ADCY4: variants seen among roughly 807,000 people sequenced by gnomAD.
ADCY4 encodes adenylate cyclase 4.
In ADCY4, 111 loss-of-function variants were observed where a neutral mutation model predicts 125.5. That is an observed-to-expected ratio of 0.88 (90% CI 0.76 to 1.04). ADCY4 has a LOEUF of 1.04. ADCY4 is among the 50% of genes least tolerant of loss of function. The pLI is 0.00. For synonymous variants in ADCY4, 576 were observed against 586.9 expected (o/e 0.98, Z 0.27); for missense variants, 1,256 against 1,382.9 (o/e 0.91, Z 1.46).
At position 24,329,179 on chromosome 14, in the gene ADCY4, C is replaced by A. The variant is rs1199790572; in HGVS notation, c.1406G>T (p.Gly469Val). 1.2e-6 allele frequency: 2 copies of A among 1,613,938 alleles called. No individual in the cohort carries two copies. The highest frequency in any genetic ancestry group is 1.1e-5 in the South Asian group (1 of 91,078). ...CAGCAGTGATGGACGCATCTTGAGGCCCTCAAGCGAGGACAGCAAGCCTCC... is the reference window on the plus strand; with the variant it reads ...CAGCAGTGATGGACGCATCTTGAGGACCTCAAGCGAGGACAGCAAGCCTCC... ...TAGGLLSSLE[G>V]LKMRPSLLMT... The change falls in exon 10 of 25, where the codon GGC (glycine) becomes GTC (valine). Residue 469 changes from glycine (G) to valine (V), a missense_variant. Coordinates refer to ENST00000418030, the MANE Select transcript of ADCY4 (RefSeq NM_001198568.2).
chr14:24,329,062 G>T lies in ADCY4; in HGVS notation c.1523C>A (p.Pro508Gln). The change falls in exon 10 of 25, where the codon CCG (proline) becomes CAG (glutamine). Residue 508 changes from proline to glutamine, a missense_variant and splice_region_variant. Transcript: ENST00000418030. The stretch of plus-strand genomic sequence containing the variant: ...GGCTCAGGATGAAGGTGCACATACC[G>T]GGAGAGGGGTGGAGGTGGACACAGG... The part of the protein sequence containing the change: ...DSPVSTSTPL[P>Q]EKTLASFSTQ... The T allele has an allele frequency of 6.2e-7, 1 of 1,613,228 alleles. No individual in the cohort carries two copies. Among genetic ancestry groups the T allele is most frequent in the Non-Finnish European group, 8.5e-7 (1 of 1,179,594 alleles).
At position 24,326,290 on chromosome 14, in the gene ADCY4, C is replaced by G; in HGVS notation, c.1568+9G>C. The G allele has an allele frequency of 6.2e-7, 1 of 1,614,054 alleles. No individual in the cohort carries two copies. The highest frequency in any genetic ancestry group is 1.1e-5 in the South Asian group (1 of 91,068). On this transcript the variant is annotated intron_variant, in intron 11 of 24. Transcript: ENST00000418030. ...AGCCCCACTGGCAAAGACTTTGAGG[C>G]CTCCTCACCGATCCAGGCTCCACTG...
chr14:24,334,916 A>C lies in ADCY4; in HGVS notation c.-264T>G. 1 of 400,196 alleles carries C rather than the reference A, an allele frequency of 2.5e-6. No individual in the cohort carries two copies. Among genetic ancestry groups the C allele is most frequent in the Non-Finnish European group, 4.5e-6 (1 of 224,186 alleles). 24.8% of individuals were successfully genotyped at this position (400,196 alleles called of 1,614,324 possible). On this transcript the variant is annotated 5_prime_UTR_variant, in exon 1 of 25. The change abolishes an upstream ATG in the 5' untranslated region. Transcript: ENST00000418030. Reference sequence around the variant, plus strand: ...TGTAGAGGTGCCCTAGAAAAGCCTCATCGCCAGGAGGGCAGGATTTGGGGT... The same window carrying C: ...TGTAGAGGTGCCCTAGAAAAGCCTCCTCGCCAGGAGGGCAGGATTTGGGGT...
intron 14 of ADCY4, among the ~76,000 whole-genome samples, chr14:24,325,065 A>T (rs527684370): frequency 1.3e-5 from 2 of 152,250 alleles, no homozygotes; most frequent in East Asian, 1.9e-4. Context: ...ATGAGGGCCT[A>T]CTTTCTAAGC....
chr14:24,332,651 C>A lies in ADCY4; in HGVS notation c.390G>T (p.Ala130=), dbSNP rs1594670294. Residue 130 remains alanine (A), a synonymous_variant, in exon 3 of 25, where the codon GCG becomes GCT. Coordinates refer to ENST00000418030, the MANE Select transcript of ADCY4 (RefSeq NM_001198568.2). ...VSYFLFVIFT[A]YAMLPLGMRD... is the part of the protein sequence containing the mutation. ...GCATGCCCAAGGGCAGCATGGCATA[C>A]GCCGTGAAGATGACGAAGAGAAAAT... 1.3e-6 allele frequency: 2 copies of A among 1,588,272 alleles called. No individual in the cohort carries two copies. The highest frequency in any genetic ancestry group is 2.3e-5 in the South Asian group (2 of 87,714).
chr14:24,323,014 C>A lies in ADCY4; in HGVS notation c.2232G>T (p.Leu744=), dbSNP rs754270844. The change falls in exon 18 of 25, where the codon CTG becomes CTT. Residue 744 remains leucine (L), a synonymous_variant. Transcript: ENST00000418030. ...CCGCCAGCCACAGCAGGAGCAGCAG[C>A]AGCTTCAGCTCGAAGCTCATGTGCA... ...LFLHMSFELK[L]LLLLLWLAAS... is the part of the protein sequence containing the mutation. 1 of 1,614,112 alleles carries A rather than the reference C, an allele frequency of 6.2e-7. No homozygotes were observed. The highest frequency in any genetic ancestry group is 1.1e-5 in the South Asian group (1 of 91,078).
At position 24,329,456 on chromosome 14, in the gene ADCY4, C is replaced by G; in HGVS notation, c.1295G>C (p.Arg432Pro). 1 of 1,581,784 alleles carries G rather than the reference C, an allele frequency of 6.3e-7. No homozygotes were observed. Among genetic ancestry groups the G allele is most frequent in the Non-Finnish European group, 8.6e-7 (1 of 1,166,860 alleles). Residue 432 changes from arginine to proline, a missense_variant, in exon 9 of 25, where the codon CGG (arginine) becomes CCG (proline). Coordinates refer to ENST00000418030, the MANE Select transcript of ADCY4 (RefSeq NM_001198568.2). ...YAVEDAGMEH[R>P]DPYLRELGEP... is the part of the protein sequence containing the mutation. ...CCCTAGCTCCCGAAGGTAGGGGTCC[C>G]GATGCTCCATGCCTGCGTCCTCCAC... is the stretch of plus-strand genomic sequence containing the variant.
Position 24,334,633 on chromosome 14 carries a change from G to A in ADCY4, c.20C>T (p.Pro7Leu). ...GAGGTCTTCGCTGGGGGGCGGCCGG[G>A]GGCTGAAGAGGCGGGCCATGATCTC... The part of the protein sequence containing the change: MARLFS[P>L]RPPPSEDLFY... Residue 7 changes from proline to leucine, a missense_variant, in exon 1 of 25, where the codon CCC becomes CTC. By Grantham distance (98) the Pro-to-Leu change is moderately conservative (BLOSUM62 -3). Coordinates refer to ENST00000418030, the MANE Select transcript of ADCY4 (RefSeq NM_001198568.2). 5 of 1,551,890 alleles carry A rather than the reference G, an allele frequency of 3.2e-6. No individual in the cohort carries two copies. Among genetic ancestry groups the A allele is most frequent in the Non-Finnish European group, 4.3e-6 (5 of 1,150,718 alleles).
intron 10 of ADCY4, 153 bp downstream of exon 10, chr14:24,328,908 G>A: frequency 1.0e-6 from 1 of 967,752 alleles, no homozygotes; most frequent in South Asian, 1.6e-5. Context: ...CTGAACCAGT[G>A]ACTGGGGTGA....
chr14:24,323,048 G>A lies in ADCY4; in HGVS notation c.2198C>T (p.Ser733Phe), dbSNP rs1161935664. ...HCCTLGFLSC[S>F]LFLHMSFELK... Reference sequence around the variant, plus strand: ...CTCGAAGCTCATGTGCAGAAAGAGGGAGCAGGAGAGGAAGCCCAGCGTGCA... The same window carrying A: ...CTCGAAGCTCATGTGCAGAAAGAGGAAGCAGGAGAGGAAGCCCAGCGTGCA... Residue 733 changes from serine to phenylalanine, a missense_variant, in exon 18 of 25, where the codon TCC becomes TTC. By Grantham distance (155) the Ser-to-Phe change is radical. Coordinates refer to ENST00000418030, the MANE Select transcript of ADCY4 (RefSeq NM_001198568.2). The A allele has an allele frequency of 1.9e-6, 3 of 1,614,068 alleles. No homozygotes were observed. Among genetic ancestry groups the A allele is most frequent in the African/African-American group, 2.7e-5 (2 of 74,912 alleles).
chr14:24,321,533 A>T (rs1415679812), intron 20 of ADCY4, among the ~76,000 whole-genome samples: 1 of 152,192 alleles, frequency 6.6e-6, no homozygotes, highest in East Asian at 1.9e-4. Context: ...TAATTATATT[A>T]CTTTTAATGG....
intron 10 of ADCY4, chr14:24,328,708 C>T (rs952954980): frequency 2.1e-5 from 5 of 239,264 alleles, no homozygotes; most frequent in Admixed American, 1.6e-4. Context: ...AGTGGTCCCC[C>T]GGGCCCAGCT....
Position 24,325,322 on chromosome 14 carries a change from G to T in ADCY4, c.1823+55C>A, listed in dbSNP as rs180946987. On this transcript the variant is annotated intron_variant, in intron 14 of 24. Transcript: ENST00000418030. ...AGAAAGTGTGGCCCGGGGTCATGAGGGCAAGGTGATCCGCTTATGACAGCC... is the reference window on the plus strand; with the variant it reads ...AGAAAGTGTGGCCCGGGGTCATGAGTGCAAGGTGATCCGCTTATGACAGCC... The T allele has an allele frequency of 5.8e-5, 86 of 1,489,816 alleles. No homozygotes were observed. In the East Asian group the frequency reaches 1.4e-3, roughly 25 times the overall value. The allele number at this position is 1,489,816 out of a possible 1,614,324, so 92.3% of individuals were successfully genotyped here.
At position 24,329,677 on chromosome 14, in the gene ADCY4, G is replaced by A. The variant is rs574357844; in HGVS notation, c.1218-144C>T. ...CCTGGATGTCTGACTTCAAGAAAGAGCCTGTGTTACAGGAGGTGCCTCCCA... is the reference window on the plus strand; with the variant it reads ...CCTGGATGTCTGACTTCAAGAAAGAACCTGTGTTACAGGAGGTGCCTCCCA... On this transcript the variant is annotated intron_variant, in intron 8 of 24. Coordinates refer to ENST00000418030, the MANE Select transcript of ADCY4 (RefSeq NM_001198568.2). The A allele has an allele frequency of 1.4e-5, 20 of 1,413,648 alleles. No individual in the cohort carries two copies. In the South Asian group the frequency reaches 2.9e-4, roughly 21 times the overall value. The allele number at this position is 1,413,648 out of a possible 1,614,324, so 87.6% of individuals were successfully genotyped here. A position where few individuals can be genotyped will look rare whatever the true frequency, so the allele number is the denominator to read the frequency against.
chr14:24,321,073 T>C (rs2041842992), intron 20 of ADCY4, among the ~76,000 whole-genome samples: 1 of 149,356 alleles, frequency 6.7e-6, no homozygotes, highest in Non-Finnish European at 1.5e-5. Context: ...ATTAGGTTGG[T>C]GCAAAATTAA....
At chr14:24,328,822 G>A in intron 10 of ADCY4, 1 of 564,298 alleles carries the variant, frequency 1.8e-6, no homozygotes, top group Non-Finnish European at 3.1e-6. Flanking sequence ...CCCTACAATG[G>A]TGTCTGTAGG....
At position 24,322,240 on chromosome 14, in the gene ADCY4, C is replaced by T. The variant is rs777568165; in HGVS notation, c.2428-16G>A. 47 of 1,605,244 alleles carry T rather than the reference C, an allele frequency of 2.9e-5. No homozygotes were observed. The highest frequency in any genetic ancestry group is 2.4e-4 in the South Asian group (22 of 90,126). ...AGTACTCATTCTGGGGAGGGTCACCCGGGGCCATGGGGAGACACAGAGCAG... is the reference window on the plus strand; with the variant it reads ...AGTACTCATTCTGGGGAGGGTCACCTGGGGCCATGGGGAGACACAGAGCAG... On this transcript the variant is annotated splice_polypyrimidine_tract_variant and intron_variant, in intron 19 of 24. Transcript: ENST00000418030.
At chr14:24,326,051 C>CT (rs2041937805) in intron 12 of ADCY4, 28 bp downstream of exon 12, 1 of 1,564,370 alleles carries the variant, frequency 6.4e-7, no homozygotes, top group Non-Finnish European at 8.7e-7. Flanking sequence ...GGGCCTGCGG[C>CT]CCCCCCAGCC....
chr14:24,334,819 C>T lies in ADCY4; in HGVS notation c.-167G>A. 1.7e-6 allele frequency: 1 copy of T among 594,728 alleles called. No individual in the cohort carries two copies. Among genetic ancestry groups the T allele is most frequent in the East Asian group, 3.1e-5 (1 of 32,666 alleles). 36.8% of individuals were successfully genotyped at this position (594,728 alleles called of 1,614,324 possible). A position where few individuals can be genotyped will look rare whatever the true frequency, so the allele number is the denominator to read the frequency against. On this transcript the variant is annotated 5_prime_UTR_variant, in exon 1 of 25. Coordinates refer to ENST00000418030, the MANE Select transcript of ADCY4 (RefSeq NM_001198568.2). ...CTCCTTTTTCAGGCCCTCCCTGCGG[C>T]CTCCCAGCCCGCTCCCAGCTGGCGA...
Sources: gnomAD v4.1 joint callset for allele counts (sites outside exome capture counted in the v4.1 genomes callset) on GRCh38, gnomAD v4.1.1 for gene constraint, MANE v1.5 for transcripts, NCBI Gene and HGNC (gene_info 2026-07-23, HGNC 2026-07-21) for gene names.